MARCHF10: variants seen among roughly 807,000 people sequenced by gnomAD.
MARCHF10 encodes the protein membrane associated ring-CH-type finger 10.
Under a neutral mutation model 76.2 loss-of-function variants are expected in MARCHF10, and 64 were observed. The observed-to-expected ratio is 0.84, with a 90% confidence interval of 0.69 to 1.03. MARCHF10 has a LOEUF of 1.03. Ranked by LOEUF, MARCHF10 falls within the 50% of genes least tolerant of loss-of-function variation. MARCHF10 has a pLI of 0.00. For synonymous variants in MARCHF10, 340 were observed against 357.5 expected (o/e 0.95, Z 0.55); for missense variants, 875 against 958.0 (o/e 0.91, Z 1.14).
chr17:62,716,468 G>T (rs540117866), intron 8 of MARCHF10, among the ~76,000 whole-genome samples: 149 of 151,920 alleles, frequency 9.8e-4, no homozygotes, highest in Non-Finnish European at 2.0e-3. Context: ...GGGTGTGGTG[G>T]CACACACCTG....
intron 4 of MARCHF10, among the ~76,000 whole-genome samples, chr17:62,751,040 C>G (rs1170364333): frequency 6.6e-6 from 1 of 152,168 alleles, no homozygotes; most frequent in African/African-American, 2.4e-5. Context: ...GGAGAGAGAT[C>G]CCGGCGGGAT....
intron 2 of MARCHF10, among the ~76,000 whole-genome samples, chr17:62,796,705 G>A (rs2092991333): frequency 6.6e-6 from 1 of 152,162 alleles, no homozygotes; most frequent in South Asian, 2.1e-4. Flanking sequence ...AAGACAATGT[G>A]CAGCCGGGTG....
At chr17:62,752,356 C>T (rs1054770059) in intron 4 of MARCHF10, among the ~76,000 whole-genome samples, 25 of 152,140 alleles carry the variant, frequency 1.6e-4, no homozygotes, top group African/African-American at 1.7e-4. Context: ...AAGGGGAGTG[C>T]TCTGTTGGGC....
intron 5 of MARCHF10, among the ~76,000 whole-genome samples, chr17:62,740,102 C>T (rs2091455565): frequency 2.0e-5 from 3 of 150,676 alleles, no homozygotes; most frequent in South Asian, 4.2e-4. Context: ...GTGTGTTTCC[C>T]CTAAAGGTGG....
chr17:62,751,303 A>G (rs1413443094), intron 4 of MARCHF10, among the ~76,000 whole-genome samples: 2 of 152,126 alleles, frequency 1.3e-5, no homozygotes, highest in African/African-American at 4.8e-5. Flanking sequence ...TCACCTGCAA[A>G]ACGAGACGGG....
At chr17:62,741,861 ATT>A (rs1044487865) in intron 5 of MARCHF10, among the ~76,000 whole-genome samples, 1 of 147,420 alleles carries the variant, frequency 6.8e-6, no homozygotes, top group Non-Finnish European at 1.5e-5. Context: ...CGCCTGGCTA[ATT>A]TTTTTTTTGT....
At chr17:62,748,126 G>A (rs2091770611) in intron 4 of MARCHF10, among the ~76,000 whole-genome samples, 1 of 152,288 alleles carries the variant, frequency 6.6e-6, no homozygotes, top group East Asian at 1.9e-4. Flanking sequence ...GTCCAGGCAC[G>A]GTGGCTCACG....
intron 3 of MARCHF10, among the ~76,000 whole-genome samples, chr17:62,765,351 C>CCAA (rs2092304148): frequency 4.1e-5 from 3 of 73,618 alleles, no homozygotes; most frequent in African/African-American, 1.8e-4. Context: ...GACTCTGTCT[C>CCAA]AAAAAAAAAA....
At chr17:62,750,883 T>C (rs1454631444) in intron 4 of MARCHF10, among the ~76,000 whole-genome samples, 1 of 152,222 alleles carries the variant, frequency 6.6e-6, no homozygotes, top group Non-Finnish European at 1.5e-5. Flanking sequence ...TGAGCTGTGC[T>C]GGTAGCAACA....
intron 5 of MARCHF10, among the ~76,000 whole-genome samples, chr17:62,739,756 G>A (rs1599170426): frequency 6.6e-6 from 1 of 152,124 alleles, no homozygotes; most frequent in East Asian, 1.9e-4. Flanking sequence ...GGAATCTTCC[G>A]GTCATTCCCT....
intron 5 of MARCHF10, among the ~76,000 whole-genome samples, chr17:62,739,771 G>A (rs982089048): frequency 6.6e-6 from 1 of 152,076 alleles, no homozygotes; most frequent in African/African-American, 2.4e-5. Flanking sequence ...TTCCCTGAAC[G>A]CACATGACCC....
Position 62,736,201 on chromosome 17 carries a change from GC to G in MARCHF10, c.1666del (p.Ala556LeufsTer9), listed in dbSNP as rs1305056561. Reference sequence around the variant, plus strand: ...TAGTAAGAGATCTGTATATAGTGGAGCCCCCTGAGGCTGGCTTGTTAAAGTA... The same window carrying G: ...TAGTAAGAGATCTGTATATAGTGGAGCCCCTGAGGCTGGCTTGTTAAAGTA... ...DTTLTSQPQG[A>X]PLYTDLLLNP... On this transcript the variant is annotated frameshift_variant, in exon 6 of 11. Transcript: ENST00000311269. LOFTEE classifies it high-confidence loss of function. The G allele has an allele frequency of 6.2e-7, 1 of 1,614,064 alleles. No individual in the cohort carries two copies. The highest frequency in any genetic ancestry group is 2.2e-5 in the East Asian group (1 of 44,898).
intron 5 of MARCHF10, chr17:62,737,634 G>A (rs1332866823): frequency 5.6e-6 from 2 of 357,580 alleles, no homozygotes; most frequent in African/African-American, 2.2e-5. Flanking sequence ...GACTGATGAT[G>A]CGCAAACCTC....
At chr17:62,755,692 A>G (rs2092020007) in intron 4 of MARCHF10, among the ~76,000 whole-genome samples, 1 of 152,184 alleles carries the variant, frequency 6.6e-6, no homozygotes, top group Admixed American at 6.5e-5. Context: ...GTCTTTCTGG[A>G]GATAAAGCCT....
chr17:62,781,780 T>C (rs2092662761), intron 3 of MARCHF10, among the ~76,000 whole-genome samples: 1 of 152,178 alleles, frequency 6.6e-6, no homozygotes, highest in Non-Finnish European at 1.5e-5. Context: ...TCATCAGAAT[T>C]GTGACAATTG....
At chr17:62,803,672 A>C in intron 1 of MARCHF10, among the ~76,000 whole-genome samples, 1 of 152,104 alleles carries the variant, frequency 6.6e-6, no homozygotes. Flanking sequence ...GGCACGTGCC[A>C]CCACACCCGG....
intron 3 of MARCHF10, among the ~76,000 whole-genome samples, chr17:62,761,084 T>C (rs918407436): frequency 1.3e-5 from 2 of 152,230 alleles, no homozygotes; most frequent in Non-Finnish European, 2.9e-5. Context: ...TTTGAATTAT[T>C]GGGTGTGATG....
In MARCHF10 at chr17:62,744,538, G is replaced by A; in HGVS notation, c.383-10C>T. 1 of 1,611,344 alleles carries A rather than the reference G, an allele frequency of 6.2e-7. No individual in the cohort carries two copies. Among genetic ancestry groups the A allele is most frequent in the African/African-American group, 1.3e-5 (1 of 74,722 alleles). On this transcript the variant is annotated splice_polypyrimidine_tract_variant and intron_variant, in intron 4 of 10. Coordinates refer to ENST00000311269, the MANE Select transcript of MARCHF10 (RefSeq NM_152598.4). ...ATTGGTGCTTGGTCTGCTGAAAGAT[G>A]CAAAGTCTTTTCAATAATTATTTTG... is the stretch of plus-strand genomic sequence containing the variant.
intron 6 of MARCHF10, among the ~76,000 whole-genome samples, chr17:62,733,417 T>A (rs35821319): frequency 0.34 from 52,276 of 152,126 alleles, 9,176 homozygotes; most frequent in Non-Finnish European, 0.39. Flanking sequence ...AGCTACAATA[T>A]CATTTTATTC....
Sources: allele counts gnomAD v4.1 joint callset (sites outside exome capture counted in the v4.1 genomes callset), GRCh38; gene constraint gnomAD v4.1.1; transcripts MANE v1.5; gene names NCBI Gene and HGNC (gene_info 2026-07-23, HGNC 2026-07-21).